Variants in CIAO3 observed in about 807,000 individuals in gnomAD.
CIAO3 encodes LET1 like/JFP15.
CIAO3 carries 45 observed loss-of-function variants against 51.5 expected under a neutral mutation model. The observed-to-expected ratio is 0.87, with a 90% confidence interval of 0.69 to 1.12. CIAO3 has a LOEUF of 1.12. CIAO3 is among the 50% of genes most tolerant of loss of function. The pLI is 0.00. For missense variants in CIAO3, 668 were observed against 632.5 expected (o/e 1.06, Z -0.60); for synonymous variants, 314 against 269.3 (o/e 1.17, Z -1.63).
chr16:734,039 G>C (rs2041312695), intron 6 of CIAO3, 190 bp downstream of exon 6: 3 of 590,894 alleles, frequency 5.1e-6, no homozygotes, highest in Non-Finnish European at 9.1e-6. Flanking sequence ...AGCACCTCTG[G>C]ATCAGAACGA....
chr16:731,016 G>A lies in CIAO3; in HGVS notation c.1035-16C>T, dbSNP rs747854236. 1.2e-5 allele frequency: 19 copies of A among 1,612,006 alleles called. No individual in the cohort carries two copies. Among genetic ancestry groups the A allele is most frequent in the African/African-American group, 5.3e-5 (4 of 74,916 alleles). Reference sequence around the variant, plus strand: ...GTCTTTGTTCCTGGGGGGCACAGGCGGGGTTTGTCTACATGGCACACCCAC... The same window carrying A: ...GTCTTTGTTCCTGGGGGGCACAGGCAGGGTTTGTCTACATGGCACACCCAC... On this transcript the variant is annotated splice_polypyrimidine_tract_variant and intron_variant, in intron 9 of 10. Coordinates refer to ENST00000251588, the MANE Select transcript of CIAO3 (RefSeq NM_022493.3).
At chr16:740,260 C>T (rs1435490385) in intron 1 of CIAO3, 2 of 432,564 alleles carry the variant, frequency 4.6e-6, no homozygotes, top group African/African-American at 4.1e-5. Flanking sequence ...GCTCTGGCCC[C>T]GCGGGGCTGT....
Position 737,158 on chromosome 16 carries a change from C to G in CIAO3, c.306+28G>C, listed in dbSNP as rs2041347312. 1 of 1,612,796 alleles carries G rather than the reference C, an allele frequency of 6.2e-7. No homozygotes were observed. Among genetic ancestry groups the G allele is most frequent in the Admixed American group, 1.7e-5 (1 of 59,998 alleles). ...TGCTGGGATGGATTTCAGGTTAAAG[C>G]AGAGTCACCAGGCCGACCACTGCTT... On this transcript the variant is annotated intron_variant, in intron 3 of 10. Coordinates refer to ENST00000251588, the MANE Select transcript of CIAO3 (RefSeq NM_022493.3). The surrounding 1 kb of genome is among the most constrained non-coding windows in gnomAD (Gnocchi z 5.3).
At chr16:731,169 C>G in intron 9 of CIAO3, 169 bp from the exon 10 acceptor site, 1 of 882,400 alleles carries the variant, frequency 1.1e-6, no homozygotes, top group Non-Finnish European at 1.7e-6. Flanking sequence ...GTGGAAGGCT[C>G]ACTTCCTTGA....
chr16:740,099 T>C, intron 1 of CIAO3: 3 of 1,320,974 alleles, frequency 2.3e-6, no homozygotes, highest in Non-Finnish European at 3.0e-6. Flanking sequence ...GACGTGTGCT[T>C]GGATCTGTTT....
chr16:732,064 G>C lies in CIAO3; in HGVS notation c.896+237C>G, dbSNP rs948384132. 13 of 551,882 alleles carry C rather than the reference G, an allele frequency of 2.4e-5. No homozygotes were observed. In the African/African-American group the frequency reaches 2.5e-4, roughly 10 times the overall value. The allele number at this position is 551,882 out of a possible 1,614,324, so 34.2% of individuals were successfully genotyped here. A position where few individuals can be genotyped will look rare whatever the true frequency, so the allele number is the denominator to read the frequency against. ...GGCTAAATTTTGTATTTTTAGTAGAGATGAGGTTTCACCATGTTGGCCGAG... is the reference window on the plus strand; with the variant it reads ...GGCTAAATTTTGTATTTTTAGTAGACATGAGGTTTCACCATGTTGGCCGAG... On this transcript the variant is annotated intron_variant, in intron 8 of 10. Transcript: ENST00000251588.
chr16:732,841 T>A (rs2041299407), intron 7 of CIAO3: 1 of 320,830 alleles, frequency 3.1e-6, no homozygotes, highest in Admixed American at 4.3e-5. Context: ...TTTCATCATC[T>A]CGGCCAGGCT....
Position 730,970 on chromosome 16 carries a change from C to T in CIAO3, c.1065G>A (p.Glu355=). Reference sequence around the variant, plus strand: ...AGTGCAGCAGCACCTGGCCCTCCTTCTCCAGTGTCACCTCCTGGAAGTCTT... The same window carrying T: ...AGTGCAGCAGCACCTGGCCCTCCTTTTCCAGTGTCACCTCCTGGAAGTCTT... The part of the protein sequence containing the change: ...RNKDFQEVTL[E]KEGQVLLHFA... The change falls in exon 10 of 11, where the codon GAG becomes GAA. Residue 355 remains glutamate (E), a synonymous_variant. Coordinates refer to ENST00000251588, the MANE Select transcript of CIAO3 (RefSeq NM_022493.3). 1 of 1,612,954 alleles carries T rather than the reference C, an allele frequency of 6.2e-7. No homozygotes were observed. The highest frequency in any genetic ancestry group is 1.3e-5 in the African/African-American group (1 of 75,068).
intron 6 of CIAO3, chr16:733,933 T>G (rs1294179747): frequency 6.9e-6 from 3 of 432,724 alleles, no homozygotes; most frequent in Non-Finnish European, 1.3e-5. Flanking sequence ...GGCATCCTCG[T>G]GGACCTGGTG....
intron 9 of CIAO3, 159 bp downstream of exon 9, chr16:731,406 C>T (rs2151600164): frequency 9.3e-7 from 1 of 1,074,886 alleles, no homozygotes; most frequent in East Asian, 2.9e-5. Context: ...CCTGAGCCCG[C>T]CAGGAGGGCC....
chr16:734,550 G>T, intron 5 of CIAO3, 187 bp downstream of exon 5: 1 of 1,116,134 alleles, frequency 9.0e-7, no homozygotes, highest in Non-Finnish European at 1.3e-6. Flanking sequence ...GTGACTGCGC[G>T]TGGCTCCCAC....
chr16:738,269 G>T, intron 2 of CIAO3: 2 of 987,262 alleles, frequency 2.0e-6, no homozygotes, highest in Non-Finnish European at 2.4e-6. Flanking sequence ...GCTGGAAATC[G>T]TCTCTTGGTG....
intron 6 of CIAO3, chr16:733,665 G>T: frequency 1.8e-6 from 1 of 545,792 alleles, no homozygotes; most frequent in Non-Finnish European, 3.2e-6. Context: ...TAACAGCCAA[G>T]TCCAGCGGAG....
intron 9 of CIAO3, chr16:731,324 CCT>C (rs1352076413): frequency 1.6e-6 from 1 of 617,706 alleles, no homozygotes; most frequent in Non-Finnish European, 2.7e-6. Flanking sequence ...CCCATGCTGG[CCT>C]CTCGGGCTCA....
At chr16:736,141 G>C (rs544808185) in intron 4 of CIAO3, 125 bp downstream of exon 4, 13 of 1,271,736 alleles carry the variant, frequency 1.0e-5, no homozygotes, top group Non-Finnish European at 1.4e-5. Flanking sequence ...AGGGAATAAA[G>C]TTTCTGTAGC....
intron 2 of CIAO3, chr16:738,019 C>G (rs1014354862): frequency 8.8e-7 from 1 of 1,136,096 alleles, no homozygotes; most frequent in Non-Finnish European, 1.1e-6. Context: ...TGGGTGGGAA[C>G]TGTGTGGGAA....
At chr16:739,998 T>C in intron 1 of CIAO3, 1 of 1,467,010 alleles carries the variant, frequency 6.8e-7, no homozygotes, top group Non-Finnish European at 9.1e-7. Flanking sequence ...ACTACCCACC[T>C]GCGGAGACAC....
rs369233467 is a variant in CIAO3, at chr16:730,413, G to T, written c.*4C>A. 14 of 1,599,548 alleles carry T rather than the reference G, an allele frequency of 8.8e-6. No individual in the cohort carries two copies. The African/African-American group carries it at 1.6e-4, about 18-fold the overall frequency. On this transcript the variant is annotated 3_prime_UTR_variant, in exon 11 of 11. Transcript: ENST00000251588. ...GCCTCCTGGGAGTCCTGGTCCTGCA[G>T]CCCCTACCACCGGATGCCCAGGCCA...
At chr16:731,116 C>T (rs2041274830) in intron 9 of CIAO3, 116 bp from the exon 10 acceptor site, 2 of 1,346,644 alleles carry the variant, frequency 1.5e-6, no homozygotes, top group Admixed American at 2.1e-5. Context: ...GGGCTCTCTC[C>T]CTCTCTCCTG....
Sources: gnomAD v4.1 joint callset for allele counts on GRCh38, gnomAD v4.1.1 for gene constraint, Gnocchi (gnomAD v3.1) non-coding constraint, MANE v1.5 for transcripts, NCBI Gene and HGNC (gene_info 2026-07-23, HGNC 2026-07-21) for gene names.